Variants in TRIM14 observed in about 807,000 individuals in gnomAD.
TRIM14 encodes tripartite motif containing 14.
A neutral mutation model predicts 44.5 loss-of-function variants in TRIM14; 28 were observed. The ratio of observed to expected loss-of-function variants is 0.63; its 90% CI spans 0.47 to 0.86. The LOEUF (loss-of-function observed/expected upper bound fraction) is 0.86, where lower values mean the gene tolerates loss of function less well. TRIM14 is among the 40% of genes least tolerant of loss of function. TRIM14 has a pLI of 0.00. For synonymous variants in TRIM14, 299 were observed against 269.2 expected (o/e 1.11, Z -1.08); for missense variants, 607 against 611.1 (o/e 0.99, Z 0.07).
intron 1 of TRIM14, among the ~76,000 whole-genome samples, chr9:98,117,503 T>C (rs1216864743): frequency 1.3e-5 from 2 of 152,124 alleles, no homozygotes; most frequent in Non-Finnish European, 2.9e-5. Context: ...TTCCCCATGT[T>C]GGCCAGGCCT....
At chr9:98,068,688 C>T (rs574598254), downstream of TRIM14, among the ~76,000 whole-genome samples, 1 of 151,464 alleles carries the variant, frequency 6.6e-6, no homozygotes, top group South Asian at 2.1e-4. Context: ...TGGTGTGTGC[C>T]TGTAGCCTCA....
At position 98,091,943 on chromosome 9, in the gene TRIM14, G is replaced by C. The variant is rs887925850; in HGVS notation, c.759C>G (p.Thr253=). The stretch of plus-strand genomic sequence containing the variant: ...ATAGCGATCGCTCTGGTGAGGGGCT[G>C]GTTTTCAACAAGGTACCTGGCTTGG... ...SSTKPGTLLK[T]SPSPERSLLL... is the part of the protein sequence containing the mutation. Residue 253 remains threonine, a synonymous_variant, in exon 5 of 6, where the codon ACC becomes ACG. Transcript: ENST00000341469. The C allele has an allele frequency of 6.2e-7, 1 of 1,610,902 alleles. No homozygotes were observed.
At chr9:98,056,915 C>G in the TRIM14 span, 1 of 1,608,608 alleles carries the variant, frequency 6.2e-7, no homozygotes. Flanking sequence ...CTGGACGTAG[C>G]CAAGCGCATG....
chr9:98,060,729 T>C, the TRIM14 span: 1 of 1,571,468 alleles, frequency 6.4e-7, no homozygotes, highest in Non-Finnish European at 8.7e-7. Flanking sequence ...AATTTTTTCC[T>C]TTTTTTGAGA....
Position 98,098,495 on chromosome 9 carries a change from A to C in TRIM14, c.537+1436T>G, listed in dbSNP as rs528307275. On this transcript the variant is annotated intron_variant, in intron 3 of 5. Transcript: ENST00000341469. ...GAGGGGCCGAGGGGGGCGGATCACG[A>C]GGTCAGGAGATGGAGACCATCCTGG... Among the ~76,000 whole-genome samples, 42 of 152,084 alleles carry C rather than the reference A, an allele frequency of 2.8e-4. No homozygotes were observed. In the South Asian group the frequency reaches 8.1e-3, roughly 29 times the overall value.
At chr9:98,118,171 G>C (rs1010014421) in intron 1 of TRIM14, among the ~76,000 whole-genome samples, 2 of 152,190 alleles carry the variant, frequency 1.3e-5, no homozygotes, top group Non-Finnish European at 2.9e-5. Flanking sequence ...CCTCACCCAG[G>C]CTTCATGAAA....
At chr9:98,108,863 A>T (rs1339269547) in intron 2 of TRIM14, among the ~76,000 whole-genome samples, 1 of 149,310 alleles carries the variant, frequency 6.7e-6, no homozygotes, top group East Asian at 2.0e-4. Context: ...CTCTTGTGTG[A>T]ATCAGTCAGG....
At chr9:98,118,735 C>T (rs1025774949) in intron 1 of TRIM14, among the ~76,000 whole-genome samples, 1 of 152,180 alleles carries the variant, frequency 6.6e-6, no homozygotes, top group Non-Finnish European at 1.5e-5. Flanking sequence ...GGGCTCCCAA[C>T]CTCTCACTCC....
At chr9:98,078,470 T>C in intron 6 of TRIM14, 1 of 1,251,224 alleles carries the variant, frequency 8.0e-7, no homozygotes, top group East Asian at 2.4e-5. Context: ...TTTGACAGTC[T>C]TGCTGTTACC....
At position 98,119,022 on chromosome 9, in the gene TRIM14, T is replaced by A; in HGVS notation, c.167A>T (p.His56Leu). The A allele has an allele frequency of 1.3e-6, 2 of 1,569,850 alleles. No individual in the cohort carries two copies. The highest frequency in any genetic ancestry group is 1.7e-6 in the Non-Finnish European group (2 of 1,167,272). The change falls in exon 1 of 6, where the codon CAC (histidine) becomes CTC (leucine). Residue 56 changes from histidine (H) to leucine (L), a missense_variant. His to Leu is a moderately conservative substitution (Grantham distance 99). Coordinates refer to ENST00000341469, the MANE Select transcript of TRIM14 (RefSeq NM_014788.4). ...TGCCTCCAGCGCCAGGCCCACAGGG[T>A]GGCCACGGTGCGCGCCCAGCACCGG... is the stretch of plus-strand genomic sequence containing the variant. ...LCPVLGAHRG[H>L]PVGLALEAAV...
intron 6 of TRIM14, chr9:98,078,048 C>T: frequency 2.4e-6 from 3 of 1,231,464 alleles, no homozygotes; most frequent in Non-Finnish European, 3.4e-6. Flanking sequence ...AAGCTCCTCT[C>T]TGTTCCCCCA....
the TRIM14 span, chr9:98,056,749 C>A: frequency 1.3e-6 from 2 of 1,512,320 alleles, no homozygotes; most frequent in South Asian, 2.4e-5. Context: ...AGAGTAGAGG[C>A]GGCGGCGGCG....
chr9:98,085,707 T>C lies in TRIM14; in HGVS notation c.*1763A>G, dbSNP rs923116471. On this transcript the variant is annotated 3_prime_UTR_variant, in exon 6 of 6. Transcript: ENST00000341469. ...TGTCCAGCCAGAGTTTTAAAGTCTTTGGTTAGAAGTTAAGGTGTTTGCAAG... is the reference window on the plus strand; with the variant it reads ...TGTCCAGCCAGAGTTTTAAAGTCTTCGGTTAGAAGTTAAGGTGTTTGCAAG... 2 of 152,144 alleles carry C rather than the reference T, an allele frequency of 1.3e-5. No individual in the cohort carries two copies. Among genetic ancestry groups the C allele is most frequent in the African/African-American group, 4.8e-5 (2 of 41,414 alleles). 9.4% of individuals were successfully genotyped at this position (152,144 alleles called of 1,614,324 possible). A position where few individuals can be genotyped will look rare whatever the true frequency, so the allele number is the denominator to read the frequency against.
chr9:98,104,396 A>C (rs1421374574), intron 2 of TRIM14, among the ~76,000 whole-genome samples: 1 of 152,178 alleles, frequency 6.6e-6, no homozygotes, highest in Non-Finnish European at 1.5e-5. Context: ...GAAAATACAA[A>C]AGAAGCTTCA....
chr9:98,062,692 T>G, the TRIM14 span, among the ~76,000 whole-genome samples: 1 of 151,948 alleles, frequency 6.6e-6, no homozygotes, highest in Non-Finnish European at 1.5e-5. Context: ...CTTAAAGATT[T>G]TAATAGCAAC....
At chr9:98,097,707 C>T (rs1043919999) in intron 3 of TRIM14, among the ~76,000 whole-genome samples, 6 of 151,716 alleles carry the variant, frequency 4.0e-5, no homozygotes, top group Non-Finnish European at 5.9e-5. Context: ...AAGGTGGGAA[C>T]GGTGAATGAT....
chr9:98,040,664 C>CTT, the TRIM14 span, among the ~76,000 whole-genome samples: 40,030 of 146,240 alleles, frequency 0.27, 5,589 homozygotes, highest in Admixed American at 0.3. Flanking sequence ...ATTTTCTTTT[C>CTT]TTTTTTTTTT....
chr9:98,114,170 A>C (rs1826960722), intron 1 of TRIM14, among the ~76,000 whole-genome samples: 1 of 152,232 alleles, frequency 6.6e-6, no homozygotes, highest in Non-Finnish European at 1.5e-5. Context: ...ATGTGTTCCA[A>C]AATTGTATGA....
Position 98,102,539 on chromosome 9 carries a change from T to C in TRIM14, c.304-2375A>G, listed in dbSNP as rs368841413. 3.0e-4 allele frequency among the ~76,000 whole-genome samples: 46 copies of C among 152,344 alleles called. No individual in the cohort carries two copies. The East Asian group carries it at 8.3e-3, about 27-fold the overall frequency. On this transcript the variant is annotated intron_variant, in intron 2 of 5. Coordinates refer to ENST00000341469, the MANE Select transcript of TRIM14 (RefSeq NM_014788.4). ...TGTGCTGATGCATGCTAAACATGGA[T>C]GAACCTCGAAGACATCATCCCCAGT...
Sources: allele counts gnomAD v4.1 joint callset (sites outside exome capture counted in the v4.1 genomes callset), GRCh38; gene constraint gnomAD v4.1.1; transcripts MANE v1.5; gene names NCBI Gene and HGNC (gene_info 2026-07-23, HGNC 2026-07-21).